Variants in PRKG1 observed in about 807,000 individuals in gnomAD.
PRKG1 encodes cGMP-dependent protein kinase 1.
In PRKG1, 35 loss-of-function variants were observed where a neutral mutation model predicts 88.1. The observed-to-expected ratio is 0.40, with a 90% confidence interval of 0.30 to 0.53. PRKG1 has a LOEUF of 0.53. PRKG1 is among the 20% of genes least tolerant of loss of function. The probability of loss-of-function intolerance (pLI) is 0.59; values close to 1 mark genes in which losing one functional copy is unlikely to be tolerated. For missense variants in PRKG1, 540 were observed against 839.8 expected (o/e 0.64, Z 4.41); for synonymous variants, 303 against 292.5 (o/e 1.04, Z -0.37).
At chr10:51,954,880 A>G (rs1843266636) in intron 5 of PRKG1, among the ~76,000 whole-genome samples, 2 of 152,108 alleles carry the variant, frequency 1.3e-5, no homozygotes, top group Admixed American at 6.6e-5. Flanking sequence ...TCACCTCCCA[A>G]CCATGTACCT....
chr10:51,326,879 A>G (rs556329441), intron 2 of PRKG1, among the ~76,000 whole-genome samples: 1 of 152,346 alleles, frequency 6.6e-6, no homozygotes, highest in African/African-American at 2.4e-5. Context: ...AAATAGTAAA[A>G]CTTATGTAAT....
chr10:51,078,253 C>G (rs1276211370), intron 1 of PRKG1, among the ~76,000 whole-genome samples: 6 of 152,060 alleles, frequency 3.9e-5, no homozygotes, highest in Non-Finnish European at 8.8e-5. Context: ...GAGTCTCACT[C>G]TGTCACCCAG....
intron 1 of PRKG1, among the ~76,000 whole-genome samples, chr10:51,052,470 A>G (rs913190939): frequency 6.6e-6 from 1 of 152,222 alleles, no homozygotes; most frequent in African/African-American, 2.4e-5. Flanking sequence ...TTCATTACTC[A>G]GAAGCTTTAA....
intron 1 of PRKG1, among the ~76,000 whole-genome samples, chr10:50,997,636 A>C (rs967763216): frequency 2.6e-5 from 4 of 152,168 alleles, no homozygotes; most frequent in African/African-American, 9.7e-5. Context: ...ATCAGAGTTC[A>C]GGACCCTTGT....
chr10:51,277,656 T>C (rs1193448638), intron 2 of PRKG1, among the ~76,000 whole-genome samples: 1 of 152,240 alleles, frequency 6.6e-6, no homozygotes, highest in Non-Finnish European at 1.5e-5. Context: ...GTAGTTCTCC[T>C]TGAAGAGGTC....
At chr10:51,685,164 C>T (rs551899618) in intron 3 of PRKG1, among the ~76,000 whole-genome samples, 19 of 152,062 alleles carry the variant, frequency 1.2e-4, no homozygotes, top group Admixed American at 3.9e-4. Context: ...GGATACTGTT[C>T]GACCTTATTA....
At chr10:51,882,966 A>G (rs1841473892) in intron 4 of PRKG1, among the ~76,000 whole-genome samples, 8 of 152,216 alleles carry the variant, frequency 5.3e-5, no homozygotes, top group Admixed American at 4.6e-4. Context: ...GTAATACATT[A>G]TGTCTGGGTG....
chr10:52,251,271 G>A (rs924139012), intron 9 of PRKG1, among the ~76,000 whole-genome samples: 5 of 152,184 alleles, frequency 3.3e-5, no homozygotes, highest in South Asian at 2.1e-4. Context: ...AAGAAGACGC[G>A]TAGAAAAAGA....
At chr10:51,732,720 G>A (rs973075241) in intron 3 of PRKG1, among the ~76,000 whole-genome samples, 5 of 151,996 alleles carry the variant, frequency 3.3e-5, no homozygotes, top group African/African-American at 1.2e-4. Flanking sequence ...CTAAATTGAA[G>A]GCAAAAAGAA....
intron 5 of PRKG1, among the ~76,000 whole-genome samples, chr10:52,034,895 G>A (rs1464866023): frequency 1.3e-5 from 2 of 152,152 alleles, no homozygotes; most frequent in African/African-American, 4.8e-5. Flanking sequence ...TCCGAGGACA[G>A]GCCTGAATTC....
rs1339755123 is a variant in PRKG1 at position 51,552,174 on chromosome 10, A to T, written c.592+84338A>T. ...TATGCTAAACATGTATTATATAAAC[A>T]CTAGAAAAATCTTTAAATTATTCAG... On this transcript the variant is annotated intron_variant, in intron 3 of 17. Coordinates refer to ENST00000373980, the MANE Select transcript of PRKG1 (RefSeq NM_006258.4). 2.6e-5 allele frequency among the ~76,000 whole-genome samples: 4 copies of T among 151,820 alleles called. No individual in the cohort carries two copies. In the East Asian group the frequency reaches 7.7e-4, roughly 29 times the overall value.
intron 7 of PRKG1, among the ~76,000 whole-genome samples, chr10:52,084,569 C>T (rs1564462111): frequency 6.6e-6 from 1 of 151,962 alleles, no homozygotes; most frequent in East Asian, 1.9e-4. Context: ...TTGATATAAA[C>T]ATGTGTTTTT....
intron 1 of PRKG1, among the ~76,000 whole-genome samples, chr10:51,002,080 A>G (rs1224824465): frequency 6.6e-6 from 1 of 152,088 alleles, no homozygotes; most frequent in Non-Finnish European, 1.5e-5. Flanking sequence ...TTCTTTGAAC[A>G]TTGACTCTGG....
At chr10:52,014,324 G>A (rs547388867) in intron 5 of PRKG1, among the ~76,000 whole-genome samples, 1 of 152,250 alleles carries the variant, frequency 6.6e-6, no homozygotes, top group East Asian at 1.9e-4. Flanking sequence ...GGTGGCAGGA[G>A]AGAGAGAGAA....
intron 3 of PRKG1, among the ~76,000 whole-genome samples, chr10:51,695,319 G>A (rs1273413669): frequency 6.6e-6 from 1 of 152,140 alleles, no homozygotes; most frequent in Non-Finnish European, 1.5e-5. Context: ...TATTTCAACT[G>A]TCAAACTATA....
chr10:51,952,767 A>G (rs945020084), intron 5 of PRKG1, among the ~76,000 whole-genome samples: 3 of 152,286 alleles, frequency 2.0e-5, no homozygotes, highest in African/African-American at 7.2e-5. Context: ...ATTGAACCAC[A>G]CAGCCTTATT....
chr10:51,733,107 T>G (rs1837164472), intron 3 of PRKG1, among the ~76,000 whole-genome samples: 1 of 152,158 alleles, frequency 6.6e-6, no homozygotes, highest in African/African-American at 2.4e-5. Flanking sequence ...TTGTCTCTTC[T>G]TATAAAAACA....
chr10:51,467,862 A>G (rs1839947835), intron 3 of PRKG1, 26 bp downstream of exon 3: 1 of 1,551,058 alleles, frequency 6.4e-7, no homozygotes, highest in Non-Finnish European at 8.9e-7. Context: ...TATTTTTAAA[A>G]TATTTTCAAT....
rs149303033 is a variant in PRKG1 at position 52,087,183 on chromosome 10, A to G, written c.935+24552A>G. Among the ~76,000 whole-genome samples, 667 of 152,356 alleles carry G rather than the reference A, an allele frequency of 4.4e-3. 3 individuals are homozygous for G. Among genetic ancestry groups the G allele is most frequent in the African/African-American group, 0.015 (644 of 41,584 alleles). ...CAACGTATGAGGGGATTTGTTCCGT[A>G]AAGCCTTGCAAATAGGGTATCTTGT... On this transcript the variant is annotated intron_variant, in intron 7 of 17. Transcript: ENST00000373980.
Sources: gnomAD v4.1 joint callset for allele counts (sites outside exome capture counted in the v4.1 genomes callset) on GRCh38, gnomAD v4.1.1 for gene constraint, MANE v1.5 for transcripts, NCBI Gene and HGNC (gene_info 2026-07-23, HGNC 2026-07-21) for gene names.